STK32B: variants seen among roughly 807,000 people sequenced by gnomAD.
STK32B encodes the protein serine/threonine-protein kinase 32B.
Under a neutral mutation model 52.6 loss-of-function variants are expected in STK32B, and 43 were observed. The observed-to-expected ratio is 0.82, with a 90% CI of 0.64 to 1.05. The LOEUF is 1.05. Ranked by LOEUF, STK32B falls within the 50% of genes least tolerant of loss-of-function variation. STK32B has a pLI of 0.00. For missense variants in STK32B, 621 were observed against 534.6 expected (o/e 1.16, Z -1.59); for synonymous variants, 238 against 204.3 (o/e 1.17, Z -1.41).
chr4:5,297,695 G>C (rs1483921221), intron 3 of STK32B, among the ~76,000 whole-genome samples: 4 of 149,646 alleles, frequency 2.7e-5, no homozygotes, highest in Non-Finnish European at 4.4e-5. Flanking sequence ...CCTTTATCAA[G>C]GTTCTTAGCT....
intron 3 of STK32B, among the ~76,000 whole-genome samples, chr4:5,249,551 C>G (rs1560259615): frequency 6.7e-6 from 1 of 149,424 alleles, no homozygotes; most frequent in African/African-American, 2.5e-5. Flanking sequence ...TCTTTTCTTT[C>G]TTAATTATAT....
the STK32B span, among the ~76,000 whole-genome samples, chr4:5,022,524 C>G: frequency 3.3e-5 from 5 of 152,326 alleles, no homozygotes; most frequent in South Asian, 6.2e-4. Context: ...TTCTGAGGCT[C>G]CTTCAGCAGT....
intron 1 of STK32B, among the ~76,000 whole-genome samples, chr4:5,068,297 T>G (rs1378633744): frequency 1.3e-5 from 2 of 152,210 alleles, no homozygotes; most frequent in Admixed American, 1.3e-4. Flanking sequence ...TTCCCCCGTC[T>G]GAGTCTCATG....
In STK32B at chr4:5,480,725, C is replaced by G. The variant is rs1016055222; in HGVS notation, c.1106+12655C>G. On this transcript the variant is annotated intron_variant, in intron 11 of 11. Coordinates refer to ENST00000282908, the MANE Select transcript of STK32B (RefSeq NM_018401.3). ...TTAGGTATATCTCCTAATGCTATCCCTCCCCCCTCCACCCACCCCACAACA... is the reference window on the plus strand; with the variant it reads ...TTAGGTATATCTCCTAATGCTATCCGTCCCCCCTCCACCCACCCCACAACA... Among the ~76,000 whole-genome samples the G allele has an allele frequency of 2.0e-5, 3 of 152,112 alleles. No individual in the cohort carries two copies. The East Asian group carries it at 5.8e-4, about 29-fold the overall frequency.
the STK32B span, among the ~76,000 whole-genome samples, chr4:5,038,216 T>C: frequency 6.6e-6 from 1 of 152,228 alleles, no homozygotes; most frequent in African/African-American, 2.4e-5. Flanking sequence ...TCTTTCATTT[T>C]GCTGAACATT....
At chr4:5,227,687 A>G (rs1332293559) in intron 3 of STK32B, among the ~76,000 whole-genome samples, 1 of 152,208 alleles carries the variant, frequency 6.6e-6, no homozygotes, top group African/African-American at 2.4e-5. Flanking sequence ...CTTACAACTC[A>G]ATTGCAAAAG....
chr4:5,483,564 G>A (rs1355127214), intron 11 of STK32B, among the ~76,000 whole-genome samples: 1 of 151,986 alleles, frequency 6.6e-6, no homozygotes, highest in Non-Finnish European at 1.5e-5. Flanking sequence ...ATTTTTTGAA[G>A]GTTTTTTTGT....
chr4:5,122,072 A>G (rs552742893), intron 1 of STK32B, among the ~76,000 whole-genome samples: 1 of 151,416 alleles, frequency 6.6e-6, no homozygotes, highest in East Asian at 2.0e-4. Flanking sequence ...ACTAATTCAC[A>G]TACTCATTCT....
At chr4:5,325,822 A>T (rs563357115) in intron 3 of STK32B, among the ~76,000 whole-genome samples, 1 of 152,312 alleles carries the variant, frequency 6.6e-6, no homozygotes, top group African/African-American at 2.4e-5. Flanking sequence ...CAGCACTATT[A>T]TGAGAATATA....
rs558524575 is a variant in STK32B, at chr4:5,346,170, T to A, written c.434+14777T>A. Among the ~76,000 whole-genome samples, 14 of 152,332 alleles carry A rather than the reference T, an allele frequency of 9.2e-5. No homozygotes were observed. The South Asian group carries it at 2.9e-3, about 32-fold the overall frequency. On this transcript the variant is annotated intron_variant, in intron 4 of 11. Transcript: ENST00000282908. The stretch of plus-strand genomic sequence containing the variant: ...TTGCAGAATGGGGCTGGGGTAGTGG[T>A]TCCCGTTTGCCAATACTACCTTGCT...
At chr4:5,132,526 T>C (rs1314342905) in intron 1 of STK32B, among the ~76,000 whole-genome samples, 1 of 152,068 alleles carries the variant, frequency 6.6e-6, no homozygotes, top group East Asian at 1.9e-4. Flanking sequence ...AGAGAAGATG[T>C]GACAACCAAA....
chr4:5,222,687 G>A (rs1723615815), intron 3 of STK32B, among the ~76,000 whole-genome samples: 1 of 152,180 alleles, frequency 6.6e-6, no homozygotes, highest in South Asian at 2.1e-4. Context: ...TGTTCAGAGT[G>A]CTGATAACTT....
At chr4:5,253,947 T>G (rs1173779220) in intron 3 of STK32B, among the ~76,000 whole-genome samples, 1 of 152,054 alleles carries the variant, frequency 6.6e-6, no homozygotes, top group Non-Finnish European at 1.5e-5. Flanking sequence ...CCACCGTGCG[T>G]GGCTAATTTT....
intron 3 of STK32B, among the ~76,000 whole-genome samples, chr4:5,290,531 G>A (rs1728833084): frequency 6.6e-6 from 1 of 151,964 alleles, no homozygotes; most frequent in African/African-American, 2.4e-5. Context: ...TAATCTCATG[G>A]GACCACCGTG....
intron 3 of STK32B, among the ~76,000 whole-genome samples, chr4:5,177,239 G>A (rs1577146862): frequency 1.3e-5 from 2 of 152,290 alleles, no homozygotes; most frequent in South Asian, 4.1e-4. Context: ...GAAGGCAAAG[G>A]AGAAGCCGGC....
chr4:5,049,469 T>A (rs1010534663), upstream of STK32B, among the ~76,000 whole-genome samples: 2 of 152,040 alleles, frequency 1.3e-5, no homozygotes, highest in Non-Finnish European at 2.9e-5. Context: ...CGAAGAGAGA[T>A]ATGGGTGGGG....
chr4:5,106,459 G>C (rs1390355539), intron 1 of STK32B, among the ~76,000 whole-genome samples: 1 of 151,996 alleles, frequency 6.6e-6, no homozygotes, highest in African/African-American at 2.4e-5. Flanking sequence ...TATTCCCCTA[G>C]AAAACTTTGG....
At chr4:5,445,678 A>G (rs974527334) in intron 6 of STK32B, among the ~76,000 whole-genome samples, 10 of 152,174 alleles carry the variant, frequency 6.6e-5, no homozygotes, top group African/African-American at 2.4e-4. Flanking sequence ...CACATAAGAT[A>G]AAATTAGCCA....
chr4:5,242,654 T>C (rs1725121671), intron 3 of STK32B, among the ~76,000 whole-genome samples: 1 of 152,222 alleles, frequency 6.6e-6, no homozygotes, highest in Non-Finnish European at 1.5e-5. Context: ...TCCTTGCCCA[T>C]GCCTATGTCC....
Sources: allele counts gnomAD v4.1 joint callset (sites outside exome capture counted in the v4.1 genomes callset), GRCh38; gene constraint gnomAD v4.1.1; transcripts MANE v1.5; gene names NCBI Gene and HGNC (gene_info 2026-07-23, HGNC 2026-07-21).